Variants in GOLGB1 observed in about 807,000 individuals in gnomAD.
GOLGB1 encodes the protein golgin subfamily B member 1.
In GOLGB1, 174 loss-of-function variants were observed where a neutral mutation model predicts 336.9. The observed-to-expected ratio is 0.52, with a 90% CI of 0.46 to 0.59. The LOEUF is 0.59. Among genes scored for constraint, GOLGB1 ranks in the 20% least tolerant of loss-of-function variants. The pLI is 0.00. For synonymous variants in GOLGB1, 1,208 were observed against 1,289.2 expected (o/e 0.94, Z 1.35); for missense variants, 3,331 against 3,645.3 (o/e 0.91, Z 2.22).
intron 1 of GOLGB1, among the ~76,000 whole-genome samples, chr3:121,736,389 C>T (rs1946467035): frequency 6.6e-6 from 1 of 152,122 alleles, no homozygotes; most frequent in Admixed American, 6.5e-5. Flanking sequence ...TATCATGTAA[C>T]CCCTGATATA....
intron 3 of GOLGB1, 38 bp downstream of exon 3, chr3:121,729,827 A>G: frequency 6.6e-7 from 1 of 1,516,430 alleles, no homozygotes. Flanking sequence ...TCTGTCCTTT[A>G]TCAAATGCTC....
At chr3:121,688,165 T>TCTCCCA (rs1200130673) in intron 14 of GOLGB1, among the ~76,000 whole-genome samples, 1 of 152,086 alleles carries the variant, frequency 6.6e-6, no homozygotes, top group Non-Finnish European at 1.5e-5. Flanking sequence ...TCGCTCTCCC[T>TCTCCCA]CTCCCTCTCC....
intron 4 of GOLGB1, among the ~76,000 whole-genome samples, chr3:121,727,306 ATATATATATATATATTTTTTTTTTT>A: frequency 3.5e-5 from 1 of 28,632 alleles, no homozygotes; most frequent in African/African-American, 8.3e-5. Flanking sequence ...ATATATATAT[ATATATATATATATATTTTTTTTTTT>A]TTTTTTTTTT....
At chr3:121,688,311 G>C (rs1040277414) in intron 14 of GOLGB1, among the ~76,000 whole-genome samples, 2 of 152,136 alleles carry the variant, frequency 1.3e-5, no homozygotes, top group African/African-American at 2.4e-5. Context: ...TCAGCCTGCC[G>C]AGTGCCTGCG....
In GOLGB1 at chr3:121,694,180, C is replaced by G. The variant is rs754110137; in HGVS notation, c.6343G>C (p.Glu2115Gln). Residue 2115 changes from glutamate (E) to glutamine (Q), a missense_variant, in exon 13 of 22, where the codon GAA (glutamate) becomes CAA (glutamine). Coordinates refer to ENST00000614479, the MANE Select transcript of GOLGB1 (RefSeq NM_001366282.2). Reference protein sequence around the residue: ...KLKKELQSNKESVKSQMKQKD... With the variant: ...KLKKELQSNKQSVKSQMKQKD... ...TGTTTCATCTGGCTTTTAACTGATT[C>G]TTTATTTGACTGAAGTTCCTTTTTC... 1 of 1,613,198 alleles carries G rather than the reference C, an allele frequency of 6.2e-7. No homozygotes were observed. The highest frequency in any genetic ancestry group is 1.3e-5 in the African/African-American group (1 of 74,892).
At chr3:121,722,697 TA>T (rs1273798825) in intron 5 of GOLGB1, among the ~76,000 whole-genome samples, 1 of 151,974 alleles carries the variant, frequency 6.6e-6, no homozygotes, top group Non-Finnish European at 1.5e-5. Flanking sequence ...TATAAGCTAA[TA>T]AGGACAAACC....
Position 121,695,713 on chromosome 3 carries a change from C to G in GOLGB1, c.4810G>C (p.Ala1604Pro), listed in dbSNP as rs1942880924. 1 of 1,611,202 alleles carries G rather than the reference C, an allele frequency of 6.2e-7. No individual in the cohort carries two copies. Among genetic ancestry groups the G allele is most frequent in the Non-Finnish European group, 8.5e-7 (1 of 1,179,874 alleles). Residue 1604 changes from alanine to proline, a missense_variant, in exon 13 of 22, where the codon GCA becomes CCA. By Grantham distance (27) the Ala-to-Pro change is conservative. Coordinates refer to ENST00000614479, the MANE Select transcript of GOLGB1 (RefSeq NM_001366282.2). Reference sequence around the variant, plus strand: ...TTCTCTTGCCACTCAGTACTTTCTGCAATCTTAGAAGATTTCAAAGATTCA... The same window carrying G: ...TTCTCTTGCCACTCAGTACTTTCTGGAATCTTAGAAGATTTCAAAGATTCA... ...EIESLKSSKIAESTEWQEKHK... is the reference protein window; with the variant it reads ...EIESLKSSKIPESTEWQEKHK...
chr3:121,689,021 G>A (rs1298411566), intron 14 of GOLGB1, among the ~76,000 whole-genome samples: 1 of 150,648 alleles, frequency 6.6e-6, no homozygotes, highest in East Asian at 2.0e-4. Flanking sequence ...AGGTGGGGGG[G>A]TCAGCCCCCC....
chr3:121,672,047 G>T (rs150398999), intron 17 of GOLGB1, among the ~76,000 whole-genome samples: 1 of 152,074 alleles, frequency 6.6e-6, no homozygotes, highest in Non-Finnish European at 1.5e-5. Context: ...ATCTGTTGAC[G>T]GGTACTTACA....
chr3:121,702,677 T>G, intron 10 of GOLGB1, 82 bp from the exon 11 acceptor site: 1 of 535,994 alleles, frequency 1.9e-6, no homozygotes, highest in Non-Finnish European at 3.2e-6. Flanking sequence ...CCAGCATTTT[T>G]GTCTTCTAGA....
chr3:121,664,493 G>A lies in GOLGB1; in HGVS notation c.9782C>T (p.Thr3261Met), dbSNP rs374345411. ...MIHVLLILCF[T>M]GHL ...TAACAACTAAGTCTATAGATGGCCC[G>A]TAAAACACAGAATGAGCAGGACATG... The change falls in exon 22 of 22, where the codon ACG becomes ATG. Residue 3261 changes from threonine (T) to methionine (M), a missense_variant. Thr to Met is a moderately conservative substitution (Grantham distance 81, BLOSUM62 -1). Coordinates refer to ENST00000614479, the MANE Select transcript of GOLGB1 (RefSeq NM_001366282.2). 28 of 1,613,600 alleles carry A rather than the reference G, an allele frequency of 1.7e-5. No homozygotes were observed. The highest frequency in any genetic ancestry group is 1.2e-4 in the Admixed American group (7 of 59,996).
rs763505479 is a variant in GOLGB1, at chr3:121,691,187, A to G, written c.8177T>C (p.Met2726Thr). The change falls in exon 14 of 22, where the codon ATG becomes ACG. Residue 2726 changes from methionine to threonine, a missense_variant. Transcript: ENST00000614479. Reference protein sequence around the residue: ...DLVEMEQKLLMVTKENKGLTA... With the variant: ...DLVEMEQKLLTVTKENKGLTA... ...GAGACCTTTATTTTCTTTGGTGACC[A>G]TGAGTAATTTCTGTTCCATCTCCAC... The G allele has an allele frequency of 2.5e-6, 4 of 1,613,498 alleles. No homozygotes were observed. The highest frequency in any genetic ancestry group is 3.4e-6 in the Non-Finnish European group (4 of 1,179,918).
intron 17 of GOLGB1, among the ~76,000 whole-genome samples, chr3:121,676,472 C>T (rs764499115): frequency 2.0e-4 from 30 of 152,176 alleles, no homozygotes; most frequent in African/African-American, 7.2e-5. Flanking sequence ...GTAGTTCTAT[C>T]ATAGACTACT....
At position 121,722,707 on chromosome 3, in the gene GOLGB1, C is replaced by A. The variant is rs151237480; in HGVS notation, c.532-329G>T. On this transcript the variant is annotated intron_variant, in intron 5 of 21. Transcript: ENST00000614479. ...TAAAATATAAGCTAATAAGGACAAA[C>A]CACCAAAACCCACAAGAACTACATT... Among the ~76,000 whole-genome samples the A allele has an allele frequency of 2.8e-3, 424 of 152,222 alleles. 2 individuals are homozygous for A. Among genetic ancestry groups the A allele is most frequent in the Non-Finnish European group, 5.1e-3 (349 of 68,004 alleles).
At chr3:121,672,822 G>A (rs1939729310) in intron 17 of GOLGB1, among the ~76,000 whole-genome samples, 1 of 152,182 alleles carries the variant, frequency 6.6e-6, no homozygotes, top group East Asian at 1.9e-4. Context: ...AGAGATAGGA[G>A]TCTAGTTTTA....
intron 1 of GOLGB1, among the ~76,000 whole-genome samples, chr3:121,747,149 G>GTT (rs1186601048): frequency 2.8e-4 from 14 of 49,662 alleles, no homozygotes; most frequent in African/African-American, 8.4e-4. Flanking sequence ...ATACATGGAT[G>GTT]TTATATATAT....
intron 14 of GOLGB1, among the ~76,000 whole-genome samples, chr3:121,687,877 G>A (rs1198442662): frequency 5.9e-5 from 9 of 152,050 alleles, no homozygotes; most frequent in Non-Finnish European, 1.3e-4. Flanking sequence ...TTGCATTTAC[G>A]GTCTGAAAAG....
At chr3:121,740,715 C>G (rs528295779) in intron 1 of GOLGB1, among the ~76,000 whole-genome samples, 2 of 151,774 alleles carry the variant, frequency 1.3e-5, no homozygotes, top group Non-Finnish European at 2.9e-5. Flanking sequence ...ATAGGATTTG[C>G]GAGAAACAGA....
chr3:121,698,833 AT>A lies in GOLGB1; in HGVS notation c.1689del (p.Glu563AspfsTer9). 6.2e-7 allele frequency: 1 copy of A among 1,612,370 alleles called. No homozygotes were observed. Among genetic ancestry groups the A allele is most frequent in the African/African-American group, 1.3e-5 (1 of 74,928 alleles). On this transcript the variant is annotated frameshift_variant, in exon 13 of 22. Coordinates refer to ENST00000614479, the MANE Select transcript of GOLGB1 (RefSeq NM_001366282.2). LOFTEE classifies it high-confidence loss of function. Reference sequence around the variant, plus strand: ...TTCATTTCCAACAATAAAACTGATAATTCTTTATGTTTCTGAGAAAATGTGT... The same window carrying A: ...TTCATTTCCAACAATAAAACTGATAATCTTTATGTTTCTGAGAAAATGTGT... ...LENTFSQKHK[E>X]LSVLLLEMKE...
Sources: allele counts gnomAD v4.1 joint callset (sites outside exome capture counted in the v4.1 genomes callset), GRCh38; gene constraint gnomAD v4.1.1; transcripts MANE v1.5; gene names NCBI Gene and HGNC (gene_info 2026-07-23, HGNC 2026-07-21).